Variants in SPTLC1 observed in about 807,000 individuals in gnomAD.
SPTLC1 encodes the protein serine palmitoyltransferase 1.
SPTLC1 carries 55 observed loss-of-function variants against 68.9 expected under a neutral mutation model. That is an observed-to-expected ratio of 0.80 (90% CI 0.64 to 1.00). SPTLC1 has a LOEUF of 1.00. Among genes scored for constraint, SPTLC1 ranks in the 50% least tolerant of loss-of-function variants. The pLI is 0.00. For missense variants in SPTLC1, 449 were observed against 573.1 expected, an observed-to-expected ratio of 0.78 and a Z score of 2.21; for synonymous variants, 197 against 201.6, an observed-to-expected ratio of 0.98 and a Z score of 0.19.
chr9:92,114,992 G>A, intron 1 of SPTLC1: 1 of 450,934 alleles, frequency 2.2e-6, no homozygotes, highest in East Asian at 4.3e-5. Context: ...TCACCACTCC[G>A]TTTTATCGTC....
intron 6 of SPTLC1, among the ~76,000 whole-genome samples, chr9:92,066,995 T>A (rs1834308936): frequency 6.8e-6 from 1 of 146,446 alleles, no homozygotes; most frequent in East Asian, 2.1e-4. Flanking sequence ...TAAAAAAAAT[T>A]AAAAAATAAA....
chr9:92,100,969 A>T (rs1480590864), intron 3 of SPTLC1, among the ~76,000 whole-genome samples: 1 of 152,202 alleles, frequency 6.6e-6, no homozygotes, highest in African/African-American at 2.4e-5. Context: ...TCTCTACATA[A>T]GCCACTCTAT....
At chr9:92,099,130 G>T (rs1241272066) in intron 3 of SPTLC1, among the ~76,000 whole-genome samples, 1 of 152,180 alleles carries the variant, frequency 6.6e-6, no homozygotes, top group Non-Finnish European at 1.5e-5. Flanking sequence ...ATTATCTAAG[G>T]ACACATTATC....
chr9:92,074,679 C>T (rs116527222), intron 5 of SPTLC1, among the ~76,000 whole-genome samples: 2,038 of 152,172 alleles, frequency 0.013, 43 homozygotes, highest in African/African-American at 0.047. Flanking sequence ...CTCTTAGTCC[C>T]TACCAACTCC....
chr9:92,077,726 G>A (rs982754837), intron 5 of SPTLC1, among the ~76,000 whole-genome samples: 1 of 152,084 alleles, frequency 6.6e-6, no homozygotes, highest in African/African-American at 2.4e-5. Context: ...TATACTACCA[G>A]TTCACGCTTT....
intron 12 of SPTLC1, among the ~76,000 whole-genome samples, chr9:92,038,688 T>A (rs143859167): frequency 8.9e-4 from 135 of 152,344 alleles, no homozygotes; most frequent in Non-Finnish European, 1.4e-3. Context: ...CCTTGCCATG[T>A]GCTCCCTCGC....
chr9:92,072,244 C>T (rs752967930), intron 5 of SPTLC1, among the ~76,000 whole-genome samples: 8 of 152,192 alleles, frequency 5.3e-5, no homozygotes, highest in Non-Finnish European at 1.0e-4. Flanking sequence ...TCAGACCAGC[C>T]CCCGCGAACA....
intron 8 of SPTLC1, chr9:92,051,325 T>C (rs953775390): frequency 1.5e-5 from 14 of 917,250 alleles, no homozygotes; most frequent in Non-Finnish European, 1.8e-5. Flanking sequence ...CATGGAAAAA[T>C]CAAATATGTA....
At chr9:92,036,971 C>G (rs968657685) in intron 13 of SPTLC1, among the ~76,000 whole-genome samples, 1 of 152,238 alleles carries the variant, frequency 6.6e-6, no homozygotes, top group Non-Finnish European at 1.5e-5. Context: ...CCAGCCTGAT[C>G]ATTCATAATC....
chr9:92,102,614 T>C (rs1377475848), intron 3 of SPTLC1, among the ~76,000 whole-genome samples: 2 of 152,140 alleles, frequency 1.3e-5, no homozygotes, highest in Non-Finnish European at 2.9e-5. Context: ...ATCATAACTA[T>C]ACATTTTTAA....
At chr9:92,060,628 C>T (rs907975161) in intron 6 of SPTLC1, among the ~76,000 whole-genome samples, 7 of 152,074 alleles carry the variant, frequency 4.6e-5, no homozygotes, top group East Asian at 3.9e-4. Flanking sequence ...CACTGACAGC[C>T]GGGCGCAGTG....
At chr9:92,078,091 C>G (rs144428696) in intron 5 of SPTLC1, among the ~76,000 whole-genome samples, 1 of 152,276 alleles carries the variant, frequency 6.6e-6, no homozygotes, top group Non-Finnish European at 1.5e-5. Flanking sequence ...CCCTACACCT[C>G]TGAACCTCTT....
chr9:92,090,303 G>T (rs1236455723), intron 3 of SPTLC1, among the ~76,000 whole-genome samples: 1 of 152,156 alleles, frequency 6.6e-6, no homozygotes, highest in East Asian at 1.9e-4. Context: ...TGCTCAGTAA[G>T]GAAGAGAGGA....
chr9:92,045,162 T>C (rs1833465501), intron 12 of SPTLC1, among the ~76,000 whole-genome samples: 1 of 152,200 alleles, frequency 6.6e-6, no homozygotes, highest in South Asian at 2.1e-4. Flanking sequence ...AGCTGTGATG[T>C]ACTCATTTAT....
At chr9:92,069,121 A>G (rs1265945233) in intron 5 of SPTLC1, among the ~76,000 whole-genome samples, 2 of 152,160 alleles carry the variant, frequency 1.3e-5, no homozygotes, top group Admixed American at 6.5e-5. Context: ...AGGATGAGTG[A>G]GCCGTGATGT....
chr9:92,070,336 G>A (rs1245228883), intron 5 of SPTLC1: 1 of 152,182 alleles, frequency 6.6e-6, no homozygotes, highest in Non-Finnish European at 1.5e-5. Context: ...AACTACAAGG[G>A]CACTCACTTT....
chr9:92,083,334 G>C (rs1834970397), intron 3 of SPTLC1, among the ~76,000 whole-genome samples: 1 of 152,174 alleles, frequency 6.6e-6, no homozygotes, highest in African/African-American at 2.4e-5. Flanking sequence ...GTCCTGAATA[G>C]TAATGCCTAG....
intron 6 of SPTLC1, among the ~76,000 whole-genome samples, chr9:92,059,838 C>T (rs1457485507): frequency 6.6e-6 from 1 of 152,158 alleles, no homozygotes; most frequent in East Asian, 1.9e-4. Context: ...GACTTTGACC[C>T]TCGAGAGGCT....
intron 12 of SPTLC1, among the ~76,000 whole-genome samples, chr9:92,044,227 G>A (rs1833438038): frequency 2.6e-5 from 4 of 152,174 alleles, no homozygotes; most frequent in African/African-American, 4.8e-5. Flanking sequence ...TCTTCAAGAA[G>A]GTAATGAGAA....
Sources: allele counts gnomAD v4.1 joint callset (sites outside exome capture counted in the v4.1 genomes callset), GRCh38; gene constraint gnomAD v4.1.1; transcripts MANE v1.5; gene names NCBI Gene and HGNC (gene_info 2026-07-23, HGNC 2026-07-21).